SKAP1: variants seen among roughly 807,000 people sequenced by gnomAD.
SKAP1 encodes the protein src kinase-associated phosphoprotein 1.
In SKAP1, 44 loss-of-function variants were observed where a neutral mutation model predicts 58.5. The observed-to-expected ratio is 0.75, with a 90% CI of 0.59 to 0.97. The LOEUF (loss-of-function observed/expected upper bound fraction) is 0.97. Ranked by LOEUF, SKAP1 falls within the 50% of genes least tolerant of loss-of-function variation. The pLI is 0.00. For missense variants in SKAP1, 390 were observed against 435.2 expected, an observed-to-expected ratio of 0.90 and a Z score of 0.92; for synonymous variants, 127 against 149.7, an observed-to-expected ratio of 0.85 and a Z score of 1.11.
At chr17:48,406,285 AAC>A (rs1241212795) in intron 1 of SKAP1, among the ~76,000 whole-genome samples, 1 of 151,530 alleles carries the variant, frequency 6.6e-6, no homozygotes. Flanking sequence ...CAAACAAAAA[AAC>A]AACAACAAAA....
chr17:48,241,977 C>T (rs2143828229), intron 4 of SKAP1, among the ~76,000 whole-genome samples: 1 of 152,280 alleles, frequency 6.6e-6, no homozygotes, highest in South Asian at 2.1e-4. Flanking sequence ...CTGAATATTC[C>T]TGATAATGGG....
chr17:48,229,565 G>A (rs1034326143), intron 4 of SKAP1, among the ~76,000 whole-genome samples: 1 of 152,158 alleles, frequency 6.6e-6, no homozygotes, highest in South Asian at 2.1e-4. Context: ...AGGTTGCAGT[G>A]AGCTGAGATC....
At chr17:48,207,122 T>G (rs1354970086) in intron 4 of SKAP1, among the ~76,000 whole-genome samples, 1 of 152,130 alleles carries the variant, frequency 6.6e-6, no homozygotes, top group Non-Finnish European at 1.5e-5. Context: ...GGTATGAAGG[T>G]ACGTGGCAAA....
intron 2 of SKAP1, chr17:48,380,059 A>G (rs1371306127): frequency 6.6e-6 from 1 of 152,200 alleles, no homozygotes; most frequent in Non-Finnish European, 1.5e-5. Context: ...CCAAGCCATA[A>G]AAAAATGGAA....
intron 2 of SKAP1, among the ~76,000 whole-genome samples, chr17:48,388,604 T>A (rs7213936): frequency 6.6e-6 from 1 of 152,130 alleles, no homozygotes; most frequent in African/African-American, 2.4e-5. Context: ...TATTATTTTT[T>A]ATACATTCCA....
chr17:48,216,024 C>G (rs1452663), intron 4 of SKAP1, among the ~76,000 whole-genome samples: 16,973 of 152,180 alleles, frequency 0.11, 1,012 homozygotes, highest in East Asian at 0.18. Flanking sequence ...CCATCTCTGA[C>G]CTATGCATTA....
chr17:48,186,702 C>T (rs1207717392), intron 6 of SKAP1, among the ~76,000 whole-genome samples: 2 of 150,124 alleles, frequency 1.3e-5, no homozygotes, highest in Non-Finnish European at 3.0e-5. Context: ...GAACTCCTGA[C>T]CTCATGATCT....
chr17:48,156,786 T>G (rs1485520897), intron 11 of SKAP1, among the ~76,000 whole-genome samples: 4 of 152,158 alleles, frequency 2.6e-5, no homozygotes, highest in Non-Finnish European at 4.4e-5. Context: ...GGCTCTGGTC[T>G]CTCCACAAAA....
At chr17:48,295,030 C>T (rs2065948054) in intron 4 of SKAP1, among the ~76,000 whole-genome samples, 1 of 152,062 alleles carries the variant, frequency 6.6e-6, no homozygotes, top group South Asian at 2.1e-4. Flanking sequence ...TATTTTTTCC[C>T]AACTTAAATG....
At chr17:48,137,824 TCAGA>T (rs985917148) in intron 11 of SKAP1, among the ~76,000 whole-genome samples, 3 of 152,112 alleles carry the variant, frequency 2.0e-5, no homozygotes, top group African/African-American at 7.2e-5. Flanking sequence ...GGCTTTGGAG[TCAGA>T]CAGACTGAGA....
chr17:48,293,021 G>A (rs1003710568), intron 4 of SKAP1, among the ~76,000 whole-genome samples: 5 of 151,978 alleles, frequency 3.3e-5, no homozygotes, highest in Admixed American at 1.3e-4. Context: ...GAAAATATAC[G>A]TCGTAAAACT....
At chr17:48,325,775 C>T (rs368429709) in intron 4 of SKAP1, among the ~76,000 whole-genome samples, 4 of 152,068 alleles carry the variant, frequency 2.6e-5, no homozygotes, top group East Asian at 3.9e-4. Context: ...AGGAAGTGTC[C>T]GGGATTACCA....
At position 48,346,181 on chromosome 17, in the gene SKAP1, G is replaced by A. The variant is rs1001754322; in HGVS notation, c.179-175C>T. ...TTAACATATAGGAAACAGTTAAATA[G>A]GTTCAAGAACTGACTTACCTGGATG... On this transcript the variant is annotated intron_variant, in intron 3 of 12. Transcript: ENST00000336915. 1.8e-4 allele frequency among the ~76,000 whole-genome samples: 28 copies of A among 152,094 alleles called. 1 individual carries two copies. The highest frequency in any genetic ancestry group is 1.5e-3 in the Admixed American group (23 of 15,274).
rs527452828 is a variant in SKAP1 at position 48,360,485 on chromosome 17, TAAAA to T, written c.178+3300_178+3303del. ...TTTTAGATATTGATTACTGAAATTATAAAAATTCCATGGCAAAAACTCCGCTGGC... is the reference window on the plus strand; with the variant it reads ...TTTTAGATATTGATTACTGAAATTATATTCCATGGCAAAAACTCCGCTGGC... On this transcript the variant is annotated intron_variant, in intron 3 of 12. Coordinates refer to ENST00000336915, the MANE Select transcript of SKAP1 (RefSeq NM_003726.4). 4.0e-3 allele frequency among the ~76,000 whole-genome samples: 614 copies of T among 152,258 alleles called. 8 individuals are homozygous for T. Among genetic ancestry groups the T allele is most frequent in the African/African-American group, 0.014 (588 of 41,560 alleles).
At chr17:48,246,292 C>G (rs987450503) in intron 4 of SKAP1, among the ~76,000 whole-genome samples, 30 of 152,200 alleles carry the variant, frequency 2.0e-4, no homozygotes, top group African/African-American at 6.8e-4. Flanking sequence ...ACTGTCTCCT[C>G]TCATCATCCT....
intron 1 of SKAP1, among the ~76,000 whole-genome samples, chr17:48,417,166 T>C (rs541782745): frequency 2.0e-5 from 3 of 152,314 alleles, no homozygotes; most frequent in African/African-American, 7.2e-5. Flanking sequence ...AGCATTACAA[T>C]AGAAAAGTCG....
chr17:48,395,165 T>C (rs982735916), intron 2 of SKAP1, among the ~76,000 whole-genome samples: 1 of 152,182 alleles, frequency 6.6e-6, no homozygotes, highest in Non-Finnish European at 1.5e-5. Context: ...TGTGTGCATG[T>C]GTGTATGTAT....
chr17:48,401,886 A>G (rs888594887), intron 1 of SKAP1, among the ~76,000 whole-genome samples: 45 of 152,228 alleles, frequency 3.0e-4, no homozygotes, highest in African/African-American at 9.9e-4. Context: ...CTGATGAAAG[A>G]CTTGTATGTA....
At chr17:48,182,308 A>G in intron 8 of SKAP1, 86 bp downstream of exon 8, 1 of 962,742 alleles carries the variant, frequency 1.0e-6, no homozygotes, top group African/African-American at 1.6e-5. Flanking sequence ...GAAAAAATAC[A>G]TACTGAAGTC....
Sources: gnomAD v4.1 joint callset for allele counts (sites outside exome capture counted in the v4.1 genomes callset) on GRCh38, gnomAD v4.1.1 for gene constraint, MANE v1.5 for transcripts, NCBI Gene and HGNC (gene_info 2026-07-23, HGNC 2026-07-21) for gene names.